RNF32: variants seen among roughly 807,000 people sequenced by gnomAD.
RNF32 encodes the protein ring finger protein 32.
In RNF32, 36 loss-of-function variants were observed where a neutral mutation model predicts 41.0. The observed-to-expected ratio is 0.88, with a 90% CI of 0.67 to 1.16. RNF32 has a LOEUF of 1.16. RNF32 is among the 50% of genes most tolerant of loss of function. RNF32 has a pLI of 0.00. For synonymous variants in RNF32, 154 were observed against 160.9 expected (o/e 0.96, Z 0.32); for missense variants, 413 against 436.7 (o/e 0.95, Z 0.48).
At chr7:156,640,205 C>A (rs774249503), upstream of RNF32, 1 of 453,540 alleles carries the variant, frequency 2.2e-6, no homozygotes, top group South Asian at 1.6e-5. Context: ...CTGAGCGGCG[C>A]GGGGGGATCG....
rs143460507 is a variant in RNF32 at position 156,676,469 on chromosome 7, C to T, written c.903C>T (p.Ser301=). 172 of 1,613,956 alleles carry T rather than the reference C, an allele frequency of 1.1e-4. No homozygotes were observed. The highest frequency in any genetic ancestry group is 1.7e-4 in the African/African-American group (13 of 74,948). ...GCTCCATCTGCCTGGCCCCTCTCTC[C>T]GCTGCTGGCGGTCAGCGCGTGGGTG... ...HECSICLAPL[S]AAGGQRVGAG... The change falls in exon 9 of 9, where the codon TCC becomes TCT. Residue 301 remains serine (S), a synonymous_variant. Transcript: ENST00000317955.
In RNF32 at chr7:156,674,105, G is replaced by A. The variant is rs113893037; in HGVS notation, c.685-1591G>A. 8.7e-3 allele frequency among the ~76,000 whole-genome samples: 1,319 copies of A among 152,246 alleles called. 11 individuals carry two copies. The highest frequency in any genetic ancestry group is 0.012 in the Non-Finnish European group (788 of 68,004). Reference sequence around the variant, plus strand: ...ATGAAGCAGATGTAACTGCTGAATCGGCACTTCTCACTGCTGGACAAATAA... The same window carrying A: ...ATGAAGCAGATGTAACTGCTGAATCAGCACTTCTCACTGCTGGACAAATAA... On this transcript the variant is annotated intron_variant, in intron 7 of 8. Coordinates refer to ENST00000317955, the MANE Select transcript of RNF32 (RefSeq NM_030936.4).
At chr7:156,666,946 T>C (rs1801419081) in intron 7 of RNF32, among the ~76,000 whole-genome samples, 1 of 152,098 alleles carries the variant, frequency 6.6e-6, no homozygotes, top group Non-Finnish European at 1.5e-5. Context: ...GAAAGTGGGG[T>C]GAGTGATTTG....
chr7:156,640,311 A>G, upstream of RNF32: 1 of 450,918 alleles, frequency 2.2e-6, no homozygotes, highest in Non-Finnish European at 4.4e-6. Flanking sequence ...CACCGCAGGG[A>G]AACAACCGGG....
intron 5 of RNF32, 36 bp downstream of exon 5, chr7:156,657,609 CA>C: frequency 1.2e-6 from 2 of 1,606,836 alleles, no homozygotes; most frequent in African/African-American, 2.7e-5. Context: ...AGGTGCTGCA[CA>C]TGTCGCTCTC....
At chr7:156,676,357 A>T in intron 8 of RNF32, 62 bp from the exon 9 acceptor site, 1 of 1,613,692 alleles carries the variant, frequency 6.2e-7, no homozygotes, top group African/African-American at 1.3e-5. Flanking sequence ...ATTTCAGTTT[A>T]AGTAACTTTC....
chr7:156,657,685 C>T (rs1799933483), intron 5 of RNF32, 112 bp downstream of exon 5: 1 of 955,676 alleles, frequency 1.0e-6, no homozygotes, highest in Non-Finnish European at 1.7e-6. Context: ...TTATTCATCA[C>T]CACCATCTAT....
chr7:156,654,779 A>G (rs1471697102), intron 4 of RNF32, 61 bp downstream of exon 4: 1 of 1,491,920 alleles, frequency 6.7e-7, no homozygotes, highest in Non-Finnish European at 9.2e-7. Context: ...GACGAGGCCC[A>G]GAGCTGGAGC....
intron 7 of RNF32, 69 bp downstream of exon 7, chr7:156,658,639 C>A: frequency 9.8e-7 from 1 of 1,019,294 alleles, no homozygotes; most frequent in South Asian, 1.4e-5. Context: ...GTCAGGAAGG[C>A]TAACAGAGGT....
intron 7 of RNF32, among the ~76,000 whole-genome samples, chr7:156,662,469 G>A (rs1450046193): frequency 6.6e-6 from 1 of 152,088 alleles, no homozygotes; most frequent in Non-Finnish European, 1.5e-5. Flanking sequence ...ATTATTGCTG[G>A]GTGTGCCTGT....
chr7:156,649,394 CTTTT>C (rs1261412751), intron 3 of RNF32, among the ~76,000 whole-genome samples: 1 of 151,570 alleles, frequency 6.6e-6, no homozygotes, highest in Admixed American at 6.6e-5. Context: ...TATGCCCCTT[CTTTT>C]TTTTCCCTGC....
At chr7:156,661,238 T>C (rs1800617532) in intron 7 of RNF32, among the ~76,000 whole-genome samples, 1 of 152,022 alleles carries the variant, frequency 6.6e-6, no homozygotes, top group African/African-American at 2.4e-5. Flanking sequence ...TTTCTTCCCA[T>C]CGTGGCCAGA....
Position 156,657,532 on chromosome 7 carries a change from C to T in RNF32, c.418-9C>T. The T allele has an allele frequency of 1.2e-6, 2 of 1,614,092 alleles. No individual in the cohort carries two copies. The highest frequency in any genetic ancestry group is 2.2e-5 in the East Asian group (1 of 44,888). ...AAACTTCAACGTCGTTCTGTTTCCT[C>T]ATGAACAGGTGCTGCTTTCATGCTC... is the stretch of plus-strand genomic sequence containing the variant. On this transcript the variant is annotated splice_polypyrimidine_tract_variant and intron_variant, in intron 4 of 8. Transcript: ENST00000317955.
At chr7:156,643,085 A>T (rs1312493559) in intron 1 of RNF32, 1 of 152,262 alleles carries the variant, frequency 6.6e-6, no homozygotes, top group African/African-American at 2.4e-5. Context: ...AAGAATAACA[A>T]GAGTAAGTTC....
chr7:156,660,063 T>A, intron 7 of RNF32: 1 of 985,820 alleles, frequency 1.0e-6, no homozygotes, highest in Non-Finnish European at 1.2e-6. Context: ...TACTGTTTTT[T>A]GTTTTATCCT....
At position 156,672,654 on chromosome 7, in the gene RNF32, C is replaced by T. The variant is rs564833360; in HGVS notation, c.685-3042C>T. Among the ~76,000 whole-genome samples the T allele has an allele frequency of 6.6e-5, 10 of 152,276 alleles. No homozygotes were observed. The South Asian group carries it at 1.7e-3, about 25-fold the overall frequency. On this transcript the variant is annotated intron_variant, in intron 7 of 8. Transcript: ENST00000317955. Reference sequence around the variant, plus strand: ...TGCTCCAGGCATCCTGTAGAGAGAGCGATACACTCACGTATGATAGAATAT... The same window carrying T: ...TGCTCCAGGCATCCTGTAGAGAGAGTGATACACTCACGTATGATAGAATAT...
chr7:156,644,573 A>G lies in RNF32; in HGVS notation c.90A>G (p.Gln30=), dbSNP rs765256178. 4.3e-6 allele frequency: 7 copies of G among 1,613,188 alleles called. No individual in the cohort carries two copies. Among genetic ancestry groups the G allele is most frequent in the South Asian group, 3.3e-5 (3 of 91,036 alleles). Reference sequence around the variant, plus strand: ...AAGATCACATTTTACATGATCTTCAACTTCGAAATCTTTCAGTTGCAGATC... The same window carrying G: ...AAGATCACATTTTACATGATCTTCAGCTTCGAAATCTTTCAGTTGCAGATC... ...ALQDHILHDL[Q]LRNLSVADHS... is the part of the protein sequence containing the mutation. Residue 30 remains glutamine (Q), a synonymous_variant, in exon 3 of 9, where the codon CAA becomes CAG. Transcript: ENST00000317955.
intron 8 of RNF32, 110 bp downstream of exon 8, chr7:156,675,973 T>C: frequency 8.8e-7 from 1 of 1,141,116 alleles, no homozygotes; most frequent in Non-Finnish European, 1.3e-6. Flanking sequence ...AGCCTAGGAG[T>C]GTCAGGCCCG....
intron 1 of RNF32, among the ~76,000 whole-genome samples, chr7:156,641,367 G>C (rs1459109384): frequency 6.6e-6 from 1 of 152,184 alleles, no homozygotes; most frequent in Non-Finnish European, 1.5e-5. Context: ...ACCAAGCTCT[G>C]CCTCTTGAGC....
Sources: gnomAD v4.1 joint callset for allele counts (sites outside exome capture counted in the v4.1 genomes callset) on GRCh38, gnomAD v4.1.1 for gene constraint, MANE v1.5 for transcripts, NCBI Gene and HGNC (gene_info 2026-07-23, HGNC 2026-07-21) for gene names.